Variants in FBXO36 observed in about 807,000 individuals in gnomAD.
FBXO36 encodes the protein F-box only protein 36.
Under a neutral mutation model 17.0 loss-of-function variants are expected in FBXO36, and 18 were observed. That is an observed-to-expected ratio of 1.06 (90% CI 0.73 to 1.57). The LOEUF (loss-of-function observed/expected upper bound fraction) is 1.57, where lower values mean the gene tolerates loss of function less well. FBXO36 is among the 40% of genes most tolerant of loss of function. The probability of loss-of-function intolerance (pLI) is 0.00; values close to 1 mark genes in which losing one functional copy is unlikely to be tolerated. For missense variants in FBXO36, 229 were observed against 221.9 expected (o/e 1.03, Z -0.20); for synonymous variants, 83 against 85.3 (o/e 0.97, Z 0.15).
chr2:229,942,067 G>A (rs186210487), intron 1 of FBXO36, among the ~76,000 whole-genome samples: 25 of 152,188 alleles, frequency 1.6e-4, no homozygotes, highest in African/African-American at 4.1e-4. Flanking sequence ...GTAAGACTGC[G>A]TGTCCTAACC....
intron 1 of FBXO36, among the ~76,000 whole-genome samples, chr2:229,960,474 G>A (rs1033194220): frequency 6.6e-6 from 1 of 151,758 alleles, no homozygotes; most frequent in Non-Finnish European, 1.5e-5. Flanking sequence ...GCACCATGCC[G>A]GTCTTTTTTT....
At chr2:229,948,788 G>T (rs1030729045) in intron 1 of FBXO36, among the ~76,000 whole-genome samples, 22 of 152,248 alleles carry the variant, frequency 1.4e-4, no homozygotes, top group Non-Finnish European at 4.4e-5. Flanking sequence ...AAGGGGCCTG[G>T]TTCCCTGGGT....
At chr2:229,948,709 G>C (rs1248810461) in intron 1 of FBXO36, among the ~76,000 whole-genome samples, 1 of 152,118 alleles carries the variant, frequency 6.6e-6, no homozygotes, top group East Asian at 1.9e-4. Flanking sequence ...CTGTGGCTAG[G>C]ACTTCAGCAG....
rs1197641713 is a variant in FBXO36, at chr2:230,011,203, T to C, written c.*319T>C. The stretch of plus-strand genomic sequence containing the variant: ...TGTATATAAACAAACAATAAATGAT[T>C]ATTAGCAGGTTTTTATTAGACATCT... On this transcript the variant is annotated 3_prime_UTR_variant, in exon 4 of 4. Coordinates refer to ENST00000283946, the MANE Select transcript of FBXO36 (RefSeq NM_174899.5). 1 of 179,456 alleles carries C rather than the reference T, an allele frequency of 5.6e-6. No homozygotes were observed. Among genetic ancestry groups the C allele is most frequent in the Non-Finnish European group, 1.2e-5 (1 of 86,130 alleles). 11.1% of individuals were successfully genotyped at this position (179,456 alleles called of 1,614,324 possible). A position where few individuals can be genotyped will look rare whatever the true frequency, so the allele number is the denominator to read the frequency against.
intron 1 of FBXO36, among the ~76,000 whole-genome samples, chr2:229,955,048 C>T (rs1227337156): frequency 1.3e-5 from 2 of 151,912 alleles, no homozygotes; most frequent in Non-Finnish European, 2.9e-5. Flanking sequence ...GACGGGGTTT[C>T]ACCCTGTTGG....
intron 1 of FBXO36, among the ~76,000 whole-genome samples, chr2:229,971,005 A>G (rs970352983): frequency 7.9e-5 from 12 of 152,126 alleles, no homozygotes; most frequent in Non-Finnish European, 1.2e-4. Context: ...ATCAACACAC[A>G]AAAATTGTCA....
chr2:229,975,469 ATTT>A (rs67276148), intron 1 of FBXO36, among the ~76,000 whole-genome samples: 2 of 140,496 alleles, frequency 1.4e-5, no homozygotes, highest in Non-Finnish European at 1.6e-5. Context: ...GACCTGATGG[ATTT>A]TTTTTTTTTT....
intron 1 of FBXO36, among the ~76,000 whole-genome samples, chr2:229,956,631 GGTAA>G (rs1219224289): frequency 1.3e-5 from 2 of 152,130 alleles, no homozygotes; most frequent in East Asian, 1.9e-4. Flanking sequence ...TCTTTCCTGT[GGTAA>G]GTCAGTCTCC....
At chr2:230,008,900 A>G (rs181918682) in intron 3 of FBXO36, among the ~76,000 whole-genome samples, 16 of 152,336 alleles carry the variant, frequency 1.1e-4, no homozygotes, top group Non-Finnish European at 2.2e-4. Flanking sequence ...AGGTCTGTAG[A>G]TATCATATGA....
intron 1 of FBXO36, among the ~76,000 whole-genome samples, chr2:229,966,321 C>A (rs902864607): frequency 6.6e-6 from 1 of 152,130 alleles, no homozygotes; most frequent in African/African-American, 2.4e-5. Context: ...TTCTCCCGTT[C>A]TGTAGGTTGC....
intron 2 of FBXO36, among the ~76,000 whole-genome samples, chr2:229,981,759 G>T (rs1340600898): frequency 2.0e-5 from 3 of 151,594 alleles, no homozygotes; most frequent in African/African-American, 7.2e-5. Context: ...TTCCCAGCAT[G>T]TCCTTATGGT....
chr2:229,941,094 A>T (rs1243996439), intron 1 of FBXO36, among the ~76,000 whole-genome samples: 2 of 152,148 alleles, frequency 1.3e-5, no homozygotes, highest in Admixed American at 6.6e-5. Context: ...TAGCGCAGTG[A>T]ATCTACCGAC....
intron 1 of FBXO36, among the ~76,000 whole-genome samples, chr2:229,963,633 A>T (rs2077136184): frequency 6.6e-6 from 1 of 151,354 alleles, no homozygotes; most frequent in Admixed American, 6.6e-5. Flanking sequence ...TTTAGTAGAG[A>T]TGCGGTTTCA....
chr2:229,976,344 T>C lies in FBXO36; in HGVS notation c.200T>C (p.Leu67Pro). ...GAAGACTTCCTAGAGAATTCACATCTTCAAGGTAAGGAACGGAACATATTA... is the reference window on the plus strand; with the variant it reads ...GAAGACTTCCTAGAGAATTCACATCCTCAAGGTAAGGAACGGAACATATTA... ...THEDFLENSHLQGQTALIFGA... is the reference protein window; with the variant it reads ...THEDFLENSHPQGQTALIFGA... Residue 67 changes from leucine to proline, a missense_variant, in exon 2 of 4, where the codon CTT becomes CCT. Physicochemically the swap from Leu to Pro is moderately conservative, Grantham distance 98. Coordinates refer to ENST00000283946, the MANE Select transcript of FBXO36 (RefSeq NM_174899.5). 1 of 1,610,068 alleles carries C rather than the reference T, an allele frequency of 6.2e-7. No homozygotes were observed.
intron 2 of FBXO36, among the ~76,000 whole-genome samples, chr2:229,984,451 C>T (rs2077256941): frequency 1.6e-5 from 1 of 63,636 alleles, no homozygotes; most frequent in Non-Finnish European, 3.0e-5. Context: ...AGTGCAGTGG[C>T]GTGATCTCGG....
At chr2:229,937,533 A>G (rs2076970554) in intron 1 of FBXO36, among the ~76,000 whole-genome samples, 4 of 152,122 alleles carry the variant, frequency 2.6e-5, no homozygotes, top group African/African-American at 7.2e-5. Context: ...ATAAAAACCA[A>G]TAACTTTTCA....
At chr2:229,978,081 G>T (rs1449103739) in intron 2 of FBXO36, among the ~76,000 whole-genome samples, 1 of 151,554 alleles carries the variant, frequency 6.6e-6, no homozygotes, top group East Asian at 1.9e-4. Flanking sequence ...GTGAGACCTG[G>T]TCTCCACAAA....
chr2:229,995,581 TC>T, intron 2 of FBXO36, among the ~76,000 whole-genome samples: 1 of 116,162 alleles, frequency 8.6e-6, no homozygotes, highest in Non-Finnish European at 1.9e-5. Context: ...TTTCTTTCTT[TC>T]TCTTTCTTTC....
intron 1 of FBXO36, among the ~76,000 whole-genome samples, chr2:229,970,731 C>T (rs760056003): frequency 6.6e-6 from 1 of 152,124 alleles, no homozygotes; most frequent in African/African-American, 2.4e-5. Context: ...GGAGAACTTT[C>T]GTCTGTGTAT....
Sources: allele counts gnomAD v4.1 joint callset (sites outside exome capture counted in the v4.1 genomes callset), GRCh38; gene constraint gnomAD v4.1.1; transcripts MANE v1.5; gene names NCBI Gene and HGNC (gene_info 2026-07-23, HGNC 2026-07-21).